The following TNR variants were observed in gnomAD, a reference collection of about 807,000 sequenced individuals.
The protein encoded by TNR is tenascin R.
Under a neutral mutation model 150.4 loss-of-function variants are expected in TNR, and 45 were observed. That is an observed-to-expected ratio of 0.30 (90% CI 0.24 to 0.38). The LOEUF is 0.38. Ranked by LOEUF, TNR falls within the 10% of genes least tolerant of loss-of-function variation. The pLI, the probability that TNR is intolerant of heterozygous loss-of-function variation, is 1.00. For missense variants in TNR, 1,544 were observed against 1,759.1 expected (o/e 0.88, Z 2.19); for synonymous variants, 687 against 678.4 (o/e 1.01, Z -0.20).
chr1:175,547,193 G>A (rs1660725123), intron 1 of TNR, among the ~76,000 whole-genome samples: 1 of 152,150 alleles, frequency 6.6e-6, no homozygotes, highest in Non-Finnish European at 1.5e-5. Flanking sequence ...AGGAGCACCC[G>A]AGACAGCTCA....
In TNR at chr1:175,342,683, T is replaced by G. The variant is rs188377932; in HGVS notation, c.3383-5004A>C. Among the ~76,000 whole-genome samples, 41 of 151,670 alleles carry G rather than the reference T, an allele frequency of 2.7e-4. No individual in the cohort carries two copies. In the East Asian group the frequency reaches 7.8e-3, roughly 29 times the overall value. Reference sequence around the variant, plus strand: ...AATAGCCTTTAAGGAGGTAATAGAGTGAGTGGAGAATTAACTGAACAAGAC... The same window carrying G: ...AATAGCCTTTAAGGAGGTAATAGAGGGAGTGGAGAATTAACTGAACAAGAC... On this transcript the variant is annotated intron_variant, in intron 18 of 22. Transcript: ENST00000367674.
intron 1 of TNR, among the ~76,000 whole-genome samples, chr1:175,568,526 C>A (rs73048375): frequency 6.6e-6 from 1 of 152,170 alleles, no homozygotes; most frequent in African/African-American, 2.4e-5. Context: ...GTCCTTTGCA[C>A]CTCTTGTCTG....
intron 1 of TNR, among the ~76,000 whole-genome samples, chr1:175,529,195 A>G (rs1402229172): frequency 6.6e-6 from 1 of 152,170 alleles, no homozygotes; most frequent in African/African-American, 2.4e-5. Flanking sequence ...AAACCCTGCT[A>G]AGCCTTCTCC....
chr1:175,716,836 A>G (rs1490811918), intron 1 of TNR, among the ~76,000 whole-genome samples: 1 of 152,154 alleles, frequency 6.6e-6, no homozygotes, highest in Non-Finnish European at 1.5e-5. Context: ...GCTACATGCA[A>G]CCAACTTCTG....
intron 2 of TNR, among the ~76,000 whole-genome samples, chr1:175,474,853 G>C (rs1413528290): frequency 6.6e-6 from 1 of 152,212 alleles, no homozygotes; most frequent in Non-Finnish European, 1.5e-5. Context: ...GCATAGCCTA[G>C]CTGTCAGAAG....
intron 1 of TNR, among the ~76,000 whole-genome samples, chr1:175,541,877 A>G (rs1660513414): frequency 6.6e-6 from 1 of 152,214 alleles, no homozygotes; most frequent in South Asian, 2.1e-4. Flanking sequence ...GTTAGTCTGA[A>G]CCATATGAAA....
At chr1:175,390,807 GT>G (rs1557902760) in intron 7 of TNR, among the ~76,000 whole-genome samples, 1 of 152,230 alleles carries the variant, frequency 6.6e-6, no homozygotes. Flanking sequence ...ATTGCTTTGT[GT>G]GCTTTATCTA....
Position 175,319,438 on chromosome 1 carries a change from GA to G in TNR, c.*3918del. The stretch of plus-strand genomic sequence containing the variant: ...ACAGCTCTGCTCTGAGACTGGATTT[GA>G]AAAGTAAAAATGTGATTAGGATTGT... On this transcript the variant is annotated 3_prime_UTR_variant, in exon 23 of 23. Coordinates refer to ENST00000367674, the MANE Select transcript of TNR (RefSeq NM_003285.3). 1 of 152,334 alleles carries G rather than the reference GA, an allele frequency of 6.6e-6. No homozygotes were observed. Among genetic ancestry groups the G allele is most frequent in the African/African-American group, 2.4e-5 (1 of 41,570 alleles). 9.4% of individuals were successfully genotyped at this position (152,334 alleles called of 1,614,324 possible). A position where few individuals can be genotyped will look rare whatever the true frequency, so the allele number is the denominator to read the frequency against.
chr1:175,531,757 A>G (rs564894055), intron 1 of TNR, among the ~76,000 whole-genome samples: 1 of 152,342 alleles, frequency 6.6e-6, no homozygotes, highest in South Asian at 2.1e-4. Context: ...AAAACATCCT[A>G]TGAAATATGT....
At chr1:175,614,194 T>G (rs1344821266) in intron 1 of TNR, among the ~76,000 whole-genome samples, 1 of 152,204 alleles carries the variant, frequency 6.6e-6, no homozygotes, top group Non-Finnish European at 1.5e-5. Context: ...AAAATTCTAT[T>G]GTTGTCAAAT....
At chr1:175,467,536 A>G (rs531275583) in intron 2 of TNR, among the ~76,000 whole-genome samples, 10 of 152,180 alleles carry the variant, frequency 6.6e-5, no homozygotes, top group African/African-American at 2.2e-4. Flanking sequence ...TGTCAGCCCA[A>G]TGGGGAGATG....
chr1:175,428,575 G>A (rs1275243910), intron 2 of TNR, among the ~76,000 whole-genome samples: 1 of 152,128 alleles, frequency 6.6e-6, no homozygotes. Context: ...TTAAAGCTTA[G>A]GGAGGTTAAG....
At chr1:175,700,239 TG>T (rs1666649625) in intron 1 of TNR, among the ~76,000 whole-genome samples, 1 of 151,966 alleles carries the variant, frequency 6.6e-6, no homozygotes, top group Admixed American at 6.6e-5. Flanking sequence ...TTGGCCTCCC[TG>T]ACACATCCAG....
chr1:175,650,873 CCT>C (rs1664953816), intron 1 of TNR, among the ~76,000 whole-genome samples: 1 of 76,166 alleles, frequency 1.3e-5, no homozygotes, highest in Non-Finnish European at 2.7e-5. Flanking sequence ...CCTCATTCCT[CCT>C]CCTCCCCACC....
intron 2 of TNR, among the ~76,000 whole-genome samples, chr1:175,446,980 A>G (rs542466860): frequency 6.6e-6 from 1 of 152,240 alleles, no homozygotes; most frequent in East Asian, 1.9e-4. Context: ...ATGTGTAATC[A>G]TGTGTATGGG....
intron 2 of TNR, among the ~76,000 whole-genome samples, chr1:175,444,242 G>A (rs1655928632): frequency 6.6e-6 from 1 of 152,202 alleles, no homozygotes; most frequent in Admixed American, 6.5e-5. Context: ...GATCAGGAGA[G>A]GAGGGACCCC....
At chr1:175,693,636 G>A (rs1666437047) in intron 1 of TNR, among the ~76,000 whole-genome samples, 1 of 152,204 alleles carries the variant, frequency 6.6e-6, no homozygotes, top group South Asian at 2.1e-4. Context: ...GGCAAACACT[G>A]TGTTCTACAG....
At chr1:175,594,263 C>G (rs1450426215) in intron 1 of TNR, among the ~76,000 whole-genome samples, 3 of 151,802 alleles carry the variant, frequency 2.0e-5, no homozygotes, top group Admixed American at 6.6e-5. Flanking sequence ...TTCTCTGAAT[C>G]TGTATATCAG....
chr1:175,494,012 T>C (rs1658367367), intron 2 of TNR, among the ~76,000 whole-genome samples: 1 of 152,176 alleles, frequency 6.6e-6, no homozygotes, highest in Admixed American at 6.5e-5. Context: ...TTGTATCTGC[T>C]GCTCTCCCTG....
Sources: gnomAD v4.1 joint callset for allele counts (sites outside exome capture counted in the v4.1 genomes callset) on GRCh38, gnomAD v4.1.1 for gene constraint, MANE v1.5 for transcripts, NCBI Gene and HGNC (gene_info 2026-07-23, HGNC 2026-07-21) for gene names.